The following PARP6 variants were observed in gnomAD, a reference collection of about 807,000 sequenced individuals.
The protein encoded by PARP6 is protein mono-ADP-ribosyltransferase PARP6.
A neutral mutation model predicts 92.0 loss-of-function variants in PARP6; 27 were observed. The ratio of observed to expected loss-of-function variants is 0.29; its 90% CI spans 0.22 to 0.40. The LOEUF is 0.40. Ranked by LOEUF, PARP6 falls within the 10% of genes least tolerant of loss-of-function variation. The probability of loss-of-function intolerance (pLI) is 1.00; values close to 1 mark genes in which losing one functional copy is unlikely to be tolerated. For synonymous variants in PARP6, 272 were observed against 281.2 expected (o/e 0.97, Z 0.33); for missense variants, 501 against 784.5 (o/e 0.64, Z 4.32).
rs1448863724 is a variant in PARP6 at position 72,267,470 on chromosome 15, C to A, written c.3+5G>T. On this transcript the variant is annotated splice_donor_5th_base_variant and intron_variant, in intron 3 of 23. Transcript: ENST00000569795. ...CAGTTGGAGAGGTGGGCAGTCAGTT[C>A]TCACCATTGGGTCAGTGGGTCACAC... The A allele has an allele frequency of 6.2e-7, 1 of 1,613,862 alleles. No individual in the cohort carries two copies. The highest frequency in any genetic ancestry group is 8.5e-7 in the Non-Finnish European group (1 of 1,179,790).
At chr15:72,248,874 T>C (rs2083961817) in intron 20 of PARP6, among the ~76,000 whole-genome samples, 3 of 152,210 alleles carry the variant, frequency 2.0e-5, no homozygotes, top group Non-Finnish European at 4.4e-5. Context: ...ACGCAAGCCT[T>C]CAGGCCTTCA....
chr15:72,260,921 G>A (rs531399611), intron 9 of PARP6, among the ~76,000 whole-genome samples: 6 of 152,232 alleles, frequency 3.9e-5, no homozygotes, highest in African/African-American at 1.4e-4. Context: ...CACTGAGGGT[G>A]GGCAGAGGCA....
intron 11 of PARP6, 147 bp downstream of exon 11, chr15:72,259,461 G>A (rs2085563081): frequency 2.2e-5 from 15 of 687,232 alleles, no homozygotes; most frequent in Non-Finnish European, 2.6e-6. Flanking sequence ...TCTTGAAGAT[G>A]GGAACAATGC....
At position 72,266,977 on chromosome 15, in the gene PARP6, TG is replaced by T. The variant is rs1376572246; in HGVS notation, c.4-156del. 3 of 629,008 alleles carry T rather than the reference TG, an allele frequency of 4.8e-6. No homozygotes were observed. In the African/African-American group the frequency reaches 5.5e-5, roughly 12 times the overall value. The allele number at this position is 629,008 out of a possible 1,614,324, so 39.0% of individuals were successfully genotyped here. A position where few individuals can be genotyped will look rare whatever the true frequency, so the allele number is the denominator to read the frequency against. On this transcript the variant is annotated intron_variant, in intron 3 of 23. Coordinates refer to ENST00000569795, the MANE Select transcript of PARP6 (RefSeq NM_001323532.2). ...CCTTTACACCTTTCATGTCACCCTT[TG>T]TGAGAGTCTCAGTCTCTTCCTGATA...
At position 72,265,270 on chromosome 15, in the gene PARP6, C is replaced by A; in HGVS notation, c.238-99G>T. ...CACACATGCACATGACAGTACACAC[C>A]ACTGTCTGCTGATGGTCTAGGAAAG... On this transcript the variant is annotated intron_variant, in intron 6 of 23. Coordinates refer to ENST00000569795, the MANE Select transcript of PARP6 (RefSeq NM_001323532.2). 8 of 1,027,164 alleles carry A rather than the reference C, an allele frequency of 7.8e-6. No individual in the cohort carries two copies. In the Admixed American group the frequency reaches 1.3e-4, roughly 16 times the overall value. The allele number at this position is 1,027,164 out of a possible 1,614,324, so 63.6% of individuals were successfully genotyped here. A position where few individuals can be genotyped will look rare whatever the true frequency, so the allele number is the denominator to read the frequency against.
intron 14 of PARP6, 61 bp from the exon 15 acceptor site, chr15:72,254,581 T>G (rs1352206869): frequency 2.2e-6 from 3 of 1,342,148 alleles, no homozygotes; most frequent in South Asian, 1.2e-5. Flanking sequence ...AAGTAAGATG[T>G]GATGAAAAGG....
At chr15:72,253,395 C>T (rs776515605) in intron 16 of PARP6, 42 bp downstream of exon 16, 1 of 1,492,060 alleles carries the variant, frequency 6.7e-7, no homozygotes, top group South Asian at 1.1e-5. Context: ...ATAACTCCCT[C>T]CCTCCCCATA....
chr15:72,251,175 T>C, intron 17 of PARP6, 32 bp downstream of exon 17: 1 of 1,480,222 alleles, frequency 6.8e-7, no homozygotes, highest in Non-Finnish European at 9.5e-7. Flanking sequence ...CACCAGAAAT[T>C]TAAAGCATTT....
intron 16 of PARP6, among the ~76,000 whole-genome samples, chr15:72,252,935 C>T (rs1835884450): frequency 6.6e-6 from 1 of 152,130 alleles, no homozygotes; most frequent in African/African-American, 2.4e-5. Flanking sequence ...AATCCCAGCA[C>T]TTTGGGAAGC....
chr15:72,267,361 C>A, intron 3 of PARP6, 114 bp downstream of exon 3: 1 of 1,143,316 alleles, frequency 8.7e-7, no homozygotes. Context: ...CTTCAAATAG[C>A]CACTCTATCT....
chr15:72,250,707 C>T, intron 18 of PARP6, 138 bp downstream of exon 18: 1 of 624,534 alleles, frequency 1.6e-6, no homozygotes. Context: ...CTCTATAGCA[C>T]CTACCACAAT....
chr15:72,256,696 G>A (rs1486530711), intron 13 of PARP6, 106 bp from the exon 14 acceptor site: 10 of 924,098 alleles, frequency 1.1e-5, no homozygotes, highest in Middle Eastern at 2.7e-4. Flanking sequence ...AAGCAAATAT[G>A]TTTAAGGCTT....
At position 72,241,425 on chromosome 15, in the gene PARP6, A is replaced by T; in HGVS notation, c.*30T>A. The T allele has an allele frequency of 6.8e-7, 1 of 1,467,094 alleles. No homozygotes were observed. The highest frequency in any genetic ancestry group is 9.6e-7 in the Non-Finnish European group (1 of 1,046,226). 90.9% of individuals were successfully genotyped at this position (1,467,094 alleles called of 1,614,324 possible). On this transcript the variant is annotated 3_prime_UTR_variant, in exon 24 of 24. Transcript: ENST00000569795. This position sits in a 1 kb window ranked among gnomAD's most constrained non-coding sequence, Gnocchi z 4.1. ...TATGAGGGCAGATGGATCCTGGGGT[A>T]ACAGGGGTGGTACGAGGGCTGGGGC...
chr15:72,245,822 C>T (rs1264171847), intron 20 of PARP6: 1 of 151,980 alleles, frequency 6.6e-6, no homozygotes, highest in Non-Finnish European at 1.5e-5. Context: ...GGTATTTAGG[C>T]ACTTGGTAGT....
intron 10 of PARP6, 114 bp downstream of exon 10, chr15:72,260,364 T>G: frequency 1.2e-6 from 1 of 810,498 alleles, no homozygotes; most frequent in Non-Finnish European, 2.0e-6. Flanking sequence ...ATACCTAGGT[T>G]TGATTTATGA....
At chr15:72,261,522 G>A in intron 9 of PARP6, 36 bp downstream of exon 9, 4 of 1,594,850 alleles carry the variant, frequency 2.5e-6, no homozygotes, top group Non-Finnish European at 3.4e-6. Flanking sequence ...GCTATCACAA[G>A]GTGTTTACAG....
At chr15:72,254,712 G>C (rs554276779) in intron 14 of PARP6, among the ~76,000 whole-genome samples, 192 bp from the exon 15 acceptor site, 12 of 152,252 alleles carry the variant, frequency 7.9e-5, no homozygotes, top group Admixed American at 2.0e-4. Context: ...GGAGTAACAG[G>C]GTAAGTTATT....
chr15:72,272,075 AGAC>A (rs1322522205), intron 1 of PARP6, among the ~76,000 whole-genome samples: 1 of 152,176 alleles, frequency 6.6e-6, no homozygotes, highest in Non-Finnish European at 1.5e-5. Flanking sequence ...CACTAAACAA[AGAC>A]TACTAGGAAG....
chr15:72,266,861 C>A (rs756034465), intron 3 of PARP6, 39 bp from the exon 4 acceptor site: 15 of 1,471,622 alleles, frequency 1.0e-5, no homozygotes, highest in Non-Finnish European at 1.3e-5. Context: ...TTTGTTAGGT[C>A]CCTATTATCC....
Sources: gnomAD v4.1 joint callset for allele counts (sites outside exome capture counted in the v4.1 genomes callset) on GRCh38, gnomAD v4.1.1 for gene constraint, Gnocchi (gnomAD v3.1) non-coding constraint, MANE v1.5 for transcripts, NCBI Gene and HGNC (gene_info 2026-07-23, HGNC 2026-07-21) for gene names.